INSRR: variants seen among roughly 807,000 people sequenced by gnomAD.
INSRR encodes the protein insulin receptor related receptor, also known as insulin receptor-related protein.
A neutral mutation model predicts 130.0 loss-of-function variants in INSRR; 114 were observed. The ratio of observed to expected loss-of-function variants is 0.88; its 90% CI spans 0.75 to 1.02. The LOEUF (loss-of-function observed/expected upper bound fraction) is 1.02. Among genes scored for constraint, INSRR ranks in the 50% least tolerant of loss-of-function variants. The pLI is 0.00. For missense variants in INSRR, 1,657 were observed against 1,735.2 expected (o/e 0.95, Z 0.80); for synonymous variants, 674 against 705.2 (o/e 0.96, Z 0.70).
In INSRR at chr1:156,845,107, G is replaced by A. The variant is rs772420353; in HGVS notation, c.2406C>T (p.Ala802=). The A allele has an allele frequency of 6.2e-7, 1 of 1,610,842 alleles. No individual in the cohort carries two copies. The highest frequency in any genetic ancestry group is 8.5e-7 in the Non-Finnish European group (1 of 1,179,014). The change falls in exon 12 of 22, where the codon GCC becomes GCT. Residue 802 remains alanine (A), a synonymous_variant. Coordinates refer to ENST00000368195, the MANE Select transcript of INSRR (RefSeq NM_014215.3). ...GCATGGTGCGCGCAAAGACGAAGGT[G>A]GCGGCGCTGCAGCCCACGGTGTGCG... is the stretch of plus-strand genomic sequence containing the variant. ...HAAHTVGCSA[A]TFVFARTMPH...
intron 5 of INSRR, 143 bp from the exon 6 acceptor site, chr1:156,849,603 G>C (rs1192772184): frequency 3.1e-6 from 2 of 643,320 alleles, no homozygotes; most frequent in Non-Finnish European, 5.5e-6. Context: ...CAGCACACCG[G>C]GGGCATTCGT....
rs1038615918 is a variant in INSRR at position 156,858,851 on chromosome 1, A to C, written c.-230T>G. ...GCAGTTGGAGACAGAGAGACTCAGC[A>C]TGAGATTGAGAGATGGGGACAGAGA... On this transcript the variant is annotated 5_prime_UTR_variant, in exon 1 of 22. An upstream start codon of the reference 5' UTR is lost. Coordinates refer to ENST00000368195, the MANE Select transcript of INSRR (RefSeq NM_014215.3). The C allele has an allele frequency of 1.7e-6, 1 of 573,576 alleles. No individual in the cohort carries two copies. Among genetic ancestry groups the C allele is most frequent in the African/African-American group, 1.9e-5 (1 of 53,458 alleles). 35.5% of individuals were successfully genotyped at this position (573,576 alleles called of 1,614,324 possible). A position where few individuals can be genotyped will look rare whatever the true frequency, so the allele number is the denominator to read the frequency against.
chr1:156,858,880 A>G lies in INSRR; in HGVS notation c.-259T>C, dbSNP rs1655505725. The G allele has an allele frequency of 1.9e-6, 1 of 519,984 alleles. No individual in the cohort carries two copies. Among genetic ancestry groups the G allele is most frequent in the Non-Finnish European group, 3.5e-6 (1 of 287,990 alleles). The allele number at this position is 519,984 out of a possible 1,614,324, so 32.2% of individuals were successfully genotyped here. A position where few individuals can be genotyped will look rare whatever the true frequency, so the allele number is the denominator to read the frequency against. On this transcript the variant is annotated 5_prime_UTR_variant, in exon 1 of 22. Transcript: ENST00000368195. Reference sequence around the variant, plus strand: ...GATTGAGAGATGGGGACAGAGATGCAGACAGTGACAGGGAGAGTCTCGGGC... The same window carrying G: ...GATTGAGAGATGGGGACAGAGATGCGGACAGTGACAGGGAGAGTCTCGGGC...
intron 5 of INSRR, among the ~76,000 whole-genome samples, chr1:156,849,995 C>G (rs142401355): frequency 6.6e-6 from 1 of 151,952 alleles, no homozygotes; most frequent in African/African-American, 2.4e-5. Flanking sequence ...CTTGACCTCC[C>G]GGGCTCAGGT....
rs774629253 is a variant in INSRR, at chr1:156,845,316, G to T, written c.2217-20C>A. 4 of 1,611,186 alleles carry T rather than the reference G, an allele frequency of 2.5e-6. No homozygotes were observed. The highest frequency in any genetic ancestry group is 1.7e-5 in the Admixed American group (1 of 59,876). ...GAGTCCCTGGGGAGAGCGAGTCAGAGCCAAGGCCCAGCCCCCAAAGCCACG... is the reference window on the plus strand; with the variant it reads ...GAGTCCCTGGGGAGAGCGAGTCAGATCCAAGGCCCAGCCCCCAAAGCCACG... On this transcript the variant is annotated intron_variant, in intron 11 of 21. Transcript: ENST00000368195.
At chr1:156,851,086 A>G (rs1157321178) in intron 5 of INSRR, 1 of 661,074 alleles carries the variant, frequency 1.5e-6, no homozygotes, top group African/African-American at 1.8e-5. Flanking sequence ...AGTAATATTC[A>G]AAACAGTCCT....
rs756237879 is a variant in INSRR, at chr1:156,848,937, C to T, written c.1555G>A (p.Val519Met). 1.9e-6 allele frequency: 3 copies of T among 1,583,278 alleles called. No homozygotes were observed. Among genetic ancestry groups the T allele is most frequent in the African/African-American group, 2.7e-5 (2 of 74,576 alleles). ...GGCACTCACGACTCCTTGTAGTACA[C>T]GATGAAGCTGAGCAGGTCGCGGGCC... ...LEARDLLSFI[V>M]YYKESPFQNA... is the part of the protein sequence containing the mutation. The change falls in exon 7 of 22, where the codon GTG (valine) becomes ATG (methionine). Residue 519 changes from valine (V) to methionine (M), a missense_variant. Transcript: ENST00000368195.
Position 156,853,751 on chromosome 1 carries a change from C to T in INSRR, c.637+1G>A, listed in dbSNP as rs1325948939. 6.3e-7 allele frequency: 1 copy of T among 1,595,056 alleles called. No individual in the cohort carries two copies. ...CATTCATGTTCTGTGCCAGTGCCCA[C>T]CTCTCTGGCAGTGGCTGGAGGTCCA... On this transcript the variant is annotated splice_donor_variant, in intron 2 of 21. Coordinates refer to ENST00000368195, the MANE Select transcript of INSRR (RefSeq NM_014215.3). LOFTEE classifies it high-confidence loss of function.
chr1:156,844,807 T>A lies in INSRR; in HGVS notation c.2474A>T (p.Glu825Val), dbSNP rs1206336753. 6.2e-7 allele frequency: 1 copy of A among 1,614,084 alleles called. No homozygotes were observed. Among genetic ancestry groups the A allele is most frequent in the Admixed American group, 1.7e-5 (1 of 60,012 alleles). Residue 825 changes from glutamate to valine, a missense_variant, in exon 13 of 22, where the codon GAG becomes GTG. Glu to Val is a moderately radical substitution (Grantham distance 121). Coordinates refer to ENST00000368195, the MANE Select transcript of INSRR (RefSeq NM_014215.3). ...ADGIPGKVAW[E>V]ASSKNSVLLR... ...AAGGACACTGTTCTTGCTGGAGGCC[T>A]CCCAGGCCACCTTTCCTGGAATACC... is the stretch of plus-strand genomic sequence containing the variant.
chr1:156,843,476 G>C lies in INSRR; in HGVS notation c.2847C>G (p.Asn949Lys), dbSNP rs1654876968. ...GATTCACAGAAGCATACAGGGTTCT[G>C]TTTCTGCAACGGGAGGTGAGGGGGT... ...ALGFFYGKKR[N>K]RTLYASVNPE... The change falls in exon 16 of 22, where the codon AAC becomes AAG. Residue 949 changes from asparagine to lysine, a missense_variant. Physicochemically the swap from Asn to Lys is moderately conservative, Grantham distance 94. Transcript: ENST00000368195. The C allele has an allele frequency of 3.1e-6, 5 of 1,614,116 alleles. No individual in the cohort carries two copies. Among genetic ancestry groups the C allele is most frequent in the Middle Eastern group, 1.6e-4 (1 of 6,084 alleles).
Position 156,841,085 on chromosome 1 carries a change from A to G in INSRR, c.3682T>C (p.Cys1228Arg). ...CGCAGGCGTGGGTTCGGCTGCCAGC[A>G]GCGGCTCATCAGCTCCTGCCTGGTG... ...PLQLQELMSR[C>R]WQPNPRLRPS... The change falls in exon 22 of 22, where the codon TGC becomes CGC. Residue 1228 changes from cysteine to arginine, a missense_variant. Cys to Arg is a radical substitution (Grantham distance 180, BLOSUM62 -3). Coordinates refer to ENST00000368195, the MANE Select transcript of INSRR (RefSeq NM_014215.3). 1 of 1,564,502 alleles carries G rather than the reference A, an allele frequency of 6.4e-7. No individual in the cohort carries two copies. The highest frequency in any genetic ancestry group is 1.2e-5 in the South Asian group (1 of 85,466).
At position 156,847,148 on chromosome 1, in the gene INSRR, C is replaced by T. The variant is rs550287050; in HGVS notation, c.1572-391G>A. ...GCCTGGAACGAGGAACAGGAGACTG[C>T]TCCCTTCCCAGTGTCTTCACTTAGG... On this transcript the variant is annotated intron_variant, in intron 7 of 21. Coordinates refer to ENST00000368195, the MANE Select transcript of INSRR (RefSeq NM_014215.3). 2.6e-5 allele frequency among the ~76,000 whole-genome samples: 4 copies of T among 152,336 alleles called. No individual in the cohort carries two copies. In the South Asian group the frequency reaches 6.2e-4, roughly 24 times the overall value.
chr1:156,851,997 C>T lies in INSRR; in HGVS notation c.832G>A (p.Glu278Lys), dbSNP rs770398033. The T allele has an allele frequency of 6.2e-7, 1 of 1,612,320 alleles. No individual in the cohort carries two copies. Among genetic ancestry groups the T allele is most frequent in the South Asian group, 1.1e-5 (1 of 91,038 alleles). ...QYESWRCVTA[E>K]RCASLHSVPG... is the part of the protein sequence containing the mutation. ...ACAGAGTGCAGGCTGGCACAGCGCT[C>T]AGCTGTGACACAGCGCCAGGACTCA... is the stretch of plus-strand genomic sequence containing the variant. The change falls in exon 3 of 22, where the codon GAG (glutamate) becomes AAG (lysine). Residue 278 changes from glutamate (E) to lysine (K), a missense_variant. By Grantham distance (56) the Glu-to-Lys change is moderately conservative. Transcript: ENST00000368195.
At chr1:156,847,594 T>G (rs200973970) in intron 7 of INSRR, among the ~76,000 whole-genome samples, 1 of 150,954 alleles carries the variant, frequency 6.6e-6, no homozygotes, top group East Asian at 2.0e-4. Flanking sequence ...TGGGTGGCAG[T>G]GGGGGAACTT....
intron 1 of INSRR, among the ~76,000 whole-genome samples, 172 bp downstream of exon 1, chr1:156,858,365 T>C (rs1341768889): frequency 6.6e-6 from 1 of 152,140 alleles, no homozygotes; most frequent in African/African-American, 2.4e-5. Context: ...AAAACACCTT[T>C]ATGTGGGGAA....
chr1:156,845,922 G>A, intron 9 of INSRR, 30 bp downstream of exon 9: 2 of 1,603,822 alleles, frequency 1.2e-6, no homozygotes, highest in East Asian at 2.3e-5. Flanking sequence ...CACCCGCCCC[G>A]CGGCCGGCCT....
In INSRR at chr1:156,858,741, G is replaced by A. The variant is rs1571678677; in HGVS notation, c.-120C>T. On this transcript the variant is annotated 5_prime_UTR_variant, in exon 1 of 22. Transcript: ENST00000368195. ...TTCAGATAGGAGAGGGAGGGCAGGG[G>A]CAGAGAGACAAGGAATCCCACACAG... The A allele has an allele frequency of 3.8e-6, 3 of 790,494 alleles. No homozygotes were observed. The highest frequency in any genetic ancestry group is 2.9e-5 in the South Asian group (2 of 69,912). The allele number at this position is 790,494 out of a possible 1,614,324, so 49.0% of individuals were successfully genotyped here.
In INSRR at chr1:156,852,175, A is replaced by G. The variant is rs1450066258; in HGVS notation, c.654T>C (p.His218=). 2 of 1,601,964 alleles carry G rather than the reference A, an allele frequency of 1.2e-6. No homozygotes were observed. The highest frequency in any genetic ancestry group is 2.2e-5 in the South Asian group (2 of 89,322). Residue 218 remains histidine, a synonymous_variant, in exon 3 of 22, where the codon CAT becomes CAC. Coordinates refer to ENST00000368195, the MANE Select transcript of INSRR (RefSeq NM_014215.3). ...SHCQRVCPCP[H]GMACTARGEC... ...CGCCCCTCGCTGTGCAAGCCATCCC[A>G]TGGGGGCAGGGGCACACTGTGGGGA...
Position 156,844,699 on chromosome 1 carries a change from G to A in INSRR, c.2574+8C>T. ...CGGGGCTGGGACGGGGGTCCCACGG[G>A]CACCTACCTCTCCCAAGCGGCGGTA... On this transcript the variant is annotated splice_region_variant and intron_variant, in intron 13 of 21. Transcript: ENST00000368195. 1 of 1,614,158 alleles carries A rather than the reference G, an allele frequency of 6.2e-7. No homozygotes were observed. The highest frequency in any genetic ancestry group is 8.5e-7 in the Non-Finnish European group (1 of 1,180,022).
Sources: allele counts gnomAD v4.1 joint callset (sites outside exome capture counted in the v4.1 genomes callset), GRCh38; gene constraint gnomAD v4.1.1; transcripts MANE v1.5; gene names NCBI Gene and HGNC (gene_info 2026-07-23, HGNC 2026-07-21).